The following CEP112 variants were observed in gnomAD, a reference collection of about 807,000 sequenced individuals.
CEP112 encodes the protein centrosomal protein of 112 kDa.
Under a neutral mutation model 153.0 loss-of-function variants are expected in CEP112, and 127 were observed. The observed-to-expected ratio is 0.83, with a 90% confidence interval of 0.72 to 0.96. The LOEUF (loss-of-function observed/expected upper bound fraction) is 0.96. Among genes scored for constraint, CEP112 ranks in the 40% least tolerant of loss-of-function variants. The pLI, the probability that CEP112 is intolerant of heterozygous loss-of-function variation, is 0.00. For missense variants in CEP112, 1,089 were observed against 1,101.2 expected (o/e 0.99, Z 0.16); for synonymous variants, 358 against 374.4 (o/e 0.96, Z 0.51).
intron 17 of CEP112, among the ~76,000 whole-genome samples, chr17:65,965,697 T>G (rs1461911086): frequency 6.6e-6 from 1 of 151,970 alleles, no homozygotes; most frequent in Non-Finnish European, 1.5e-5. Context: ...AATTTTTTTC[T>G]TTTTTGTAGA....
chr17:66,065,425 A>G (rs16958876), intron 10 of CEP112, among the ~76,000 whole-genome samples: 24,251 of 151,900 alleles, frequency 0.16, 2,651 homozygotes, highest in African/African-American at 0.31. Flanking sequence ...TGCCTAACAG[A>G]CTTGGAATTG....
intron 4 of CEP112, among the ~76,000 whole-genome samples, chr17:66,163,790 ATTAAATG>A (rs916780285): frequency 5.3e-5 from 8 of 152,220 alleles, no homozygotes; most frequent in African/African-American, 1.7e-4. Context: ...TTTCATTAAA[ATTAAATG>A]TTAAAATATA....
chr17:65,777,047 C>G (rs2053720027), intron 21 of CEP112, among the ~76,000 whole-genome samples: 1 of 152,182 alleles, frequency 6.6e-6, no homozygotes, highest in South Asian at 2.1e-4. Context: ...AGAATAAAGA[C>G]TACATTTTCC....
rs529367579 is a variant in CEP112 at position 65,735,571 on chromosome 17, T to A, written c.2607+7497A>T. On this transcript the variant is annotated intron_variant, in intron 23 of 26. Coordinates refer to ENST00000535342, the MANE Select transcript of CEP112 (RefSeq NM_001199165.4). Reference sequence around the variant, plus strand: ...TGTACTTAATATCCTGATTAACCTATCGTAAAGTTGAGAAATTGTAAGTTG... The same window carrying A: ...TGTACTTAATATCCTGATTAACCTAACGTAAAGTTGAGAAATTGTAAGTTG... Among the ~76,000 whole-genome samples the A allele has an allele frequency of 3.8e-5, 5 of 130,094 alleles. No homozygotes were observed. In the East Asian group the frequency reaches 1.0e-3, roughly 27 times the overall value. 85.3% of individuals were successfully genotyped at this position (130,094 alleles called of 152,430 possible).
intron 20 of CEP112, among the ~76,000 whole-genome samples, chr17:65,858,481 T>A (rs995092065): frequency 2.0e-5 from 3 of 152,330 alleles, no homozygotes; most frequent in Admixed American, 1.3e-4. Context: ...ATTGGCATAA[T>A]GCTTTTTTAA....
intron 16 of CEP112, among the ~76,000 whole-genome samples, chr17:66,015,746 G>C (rs1420799): frequency 0.41 from 62,292 of 151,778 alleles, 14,200 homozygotes; most frequent in East Asian, 0.87. Context: ...ATCTTGTATT[G>C]AGTTTTAGCT....
chr17:65,664,041 G>A (rs2046550181), intron 24 of CEP112, among the ~76,000 whole-genome samples: 1 of 152,062 alleles, frequency 6.6e-6, no homozygotes, highest in African/African-American at 2.4e-5. Context: ...GCAAGACTCT[G>A]TCTCAAAAAA....
chr17:65,922,146 A>C (rs1173752386), intron 19 of CEP112, among the ~76,000 whole-genome samples: 1 of 152,120 alleles, frequency 6.6e-6, no homozygotes, highest in Non-Finnish European at 1.5e-5. Flanking sequence ...TAGATGGCAC[A>C]TCATGGTTAA....
chr17:66,157,861 AAT>A (rs1453324461), intron 4 of CEP112, among the ~76,000 whole-genome samples: 1 of 152,208 alleles, frequency 6.6e-6, no homozygotes, highest in Non-Finnish European at 1.5e-5. Flanking sequence ...ATATGCACCC[AAT>A]ACAGGAGCAT....
intron 20 of CEP112, among the ~76,000 whole-genome samples, chr17:65,882,205 T>C (rs924961838): frequency 6.6e-6 from 1 of 152,220 alleles, no homozygotes; most frequent in Non-Finnish European, 1.5e-5. Context: ...GCTCCCAGAA[T>C]GGCCTACATC....
intron 6 of CEP112, among the ~76,000 whole-genome samples, chr17:66,104,350 A>C (rs997647835): frequency 6.6e-6 from 1 of 152,130 alleles, no homozygotes; most frequent in African/African-American, 2.4e-5. Context: ...CTAGCTCCCA[A>C]ACATTTCTAA....
intron 17 of CEP112, among the ~76,000 whole-genome samples, chr17:65,974,915 A>AG (rs1189032536): frequency 6.6e-6 from 1 of 151,634 alleles, no homozygotes; most frequent in Non-Finnish European, 1.5e-5. Context: ...CTAATAGTCC[A>AG]GGTCTGGCGT....
chr17:66,140,475 G>A (rs2070642660), intron 4 of CEP112, among the ~76,000 whole-genome samples: 1 of 152,082 alleles, frequency 6.6e-6, no homozygotes, highest in Non-Finnish European at 1.5e-5. Flanking sequence ...AAGGAAAATG[G>A]TTTCTATTTG....
chr17:65,883,582 C>T (rs185864867), intron 20 of CEP112, among the ~76,000 whole-genome samples: 45 of 152,246 alleles, frequency 3.0e-4, no homozygotes, highest in Non-Finnish European at 5.1e-4. Context: ...CCAGGCTGGT[C>T]TCTAACTTCT....
chr17:66,118,216 A>G (rs2069397600), intron 6 of CEP112, among the ~76,000 whole-genome samples: 1 of 152,244 alleles, frequency 6.6e-6, no homozygotes, highest in Non-Finnish European at 1.5e-5. Context: ...ATAGTGCTGT[A>G]GTAAACATGG....
chr17:65,645,664 T>C (rs1040154079), intron 24 of CEP112, among the ~76,000 whole-genome samples: 3 of 152,240 alleles, frequency 2.0e-5, no homozygotes, highest in Admixed American at 2.0e-4. Context: ...AAATGTGTTT[T>C]GTGAATGCTT....
intron 6 of CEP112, among the ~76,000 whole-genome samples, chr17:66,111,469 C>T (rs537437616): frequency 7.9e-5 from 12 of 152,140 alleles, no homozygotes; most frequent in South Asian, 4.2e-4. Flanking sequence ...CCACCAATGA[C>T]GGATTGGATA....
chr17:66,173,249 G>C (rs535448685), intron 4 of CEP112, among the ~76,000 whole-genome samples: 2 of 152,260 alleles, frequency 1.3e-5, no homozygotes, highest in Admixed American at 1.3e-4. Flanking sequence ...AATCATGAAG[G>C]CATATGCTAA....
intron 12 of CEP112, among the ~76,000 whole-genome samples, chr17:66,036,000 G>A (rs998926721): frequency 1.9e-4 from 29 of 152,182 alleles, no homozygotes; most frequent in African/African-American, 7.0e-4. Context: ...TAAAGAAAAT[G>A]TGGTATATAC....
Sources: gnomAD v4.1 joint callset for allele counts (sites outside exome capture counted in the v4.1 genomes callset) on GRCh38, gnomAD v4.1.1 for gene constraint, MANE v1.5 for transcripts, NCBI Gene and HGNC (gene_info 2026-07-23, HGNC 2026-07-21) for gene names.